The following MTUS1 variants were observed in gnomAD, a reference collection of about 807,000 sequenced individuals.
The protein encoded by MTUS1 is microtubule-associated tumor suppressor 1.
A neutral mutation model predicts 120.8 loss-of-function variants in MTUS1; 109 were observed. The ratio of observed to expected loss-of-function variants is 0.90; its 90% CI spans 0.77 to 1.06. MTUS1 has a LOEUF of 1.06. MTUS1 is among the 50% of genes least tolerant of loss of function. The pLI is 0.00. For missense variants in MTUS1, 2,210 were observed against 1,486.3 expected (o/e 1.49, Z -8.01); for synonymous variants, 737 against 550.5 (o/e 1.34, Z -4.74).
intron 2 of MTUS1, among the ~76,000 whole-genome samples, chr8:17,747,298 T>A: frequency 6.6e-6 from 1 of 152,210 alleles, no homozygotes; most frequent in East Asian, 1.9e-4. Flanking sequence ...CTACCCAGAA[T>A]ACCTGCCCTT....
At chr8:17,797,991 T>A (rs1374110903) in intron 1 of MTUS1, among the ~76,000 whole-genome samples, 1 of 152,302 alleles carries the variant, frequency 6.6e-6, no homozygotes, top group South Asian at 2.1e-4. Flanking sequence ...GGAAATTTTT[T>A]AACTACGTAT....
chr8:17,782,662 C>T (rs2050961172), intron 1 of MTUS1, among the ~76,000 whole-genome samples: 1 of 152,176 alleles, frequency 6.6e-6, no homozygotes. Flanking sequence ...CAAAACTGAT[C>T]CCTTTTCTTT....
rs137898382 is a variant in MTUS1, at chr8:17,725,591, T to C, written c.2288-1758A>G. Among the ~76,000 whole-genome samples, 794 of 152,300 alleles carry C rather than the reference T, an allele frequency of 5.2e-3. 9 individuals carry two copies. Among genetic ancestry groups the C allele is most frequent in the African/African-American group, 0.017 (708 of 41,556 alleles). On this transcript the variant is annotated intron_variant, in intron 3 of 14. Transcript: ENST00000693296. ...TATCATTGTCTAAACTGTATTGGAC[T>C]CCTAAAATCCTGTCCTTCCATCCCT...
intron 3 of MTUS1, among the ~76,000 whole-genome samples, chr8:17,724,768 T>A (rs1205933855): frequency 1.3e-5 from 2 of 152,158 alleles, no homozygotes; most frequent in African/African-American, 2.4e-5. Context: ...TTTCTCTACT[T>A]TCCTCTAACC....
intron 1 of MTUS1, among the ~76,000 whole-genome samples, chr8:17,789,688 T>G (rs1183925959): frequency 6.6e-6 from 1 of 152,204 alleles, no homozygotes; most frequent in Non-Finnish European, 1.5e-5. Context: ...TTGAAAATGA[T>G]TACCTATGTT....
intron 7 of MTUS1, among the ~76,000 whole-genome samples, chr8:17,682,804 T>A (rs943482160): frequency 6.6e-6 from 1 of 152,190 alleles, no homozygotes; most frequent in Non-Finnish European, 1.5e-5. Flanking sequence ...TCTAGTTAGC[T>A]TACTTGGTTA....
intron 1 of MTUS1, among the ~76,000 whole-genome samples, chr8:17,784,767 G>A (rs1431243303): frequency 1.3e-5 from 2 of 148,496 alleles, no homozygotes; most frequent in South Asian, 2.2e-4. Context: ...GTTACAGAGT[G>A]ACCTTTTTAT....
At chr8:17,694,525 G>A (rs562410959) in intron 6 of MTUS1, among the ~76,000 whole-genome samples, 70 of 151,992 alleles carry the variant, frequency 4.6e-4, no homozygotes, top group African/African-American at 1.4e-3. Context: ...GAAATTAGCC[G>A]GGTATGGTGG....
chr8:17,749,986 T>C (rs1212023800), intron 2 of MTUS1, among the ~76,000 whole-genome samples: 1 of 152,192 alleles, frequency 6.6e-6, no homozygotes, highest in African/African-American at 2.4e-5. Context: ...CAATAGAGAC[T>C]TAGTAACCTG....
At chr8:17,697,153 T>A (rs1156792203) in intron 6 of MTUS1, 1 of 1,418,288 alleles carries the variant, frequency 7.1e-7, no homozygotes, top group Non-Finnish European at 9.4e-7. Context: ...GAGAGCTTTT[T>A]TCCTCCAATT....
chr8:17,685,704 G>A (rs958105864), intron 6 of MTUS1, among the ~76,000 whole-genome samples: 30 of 151,998 alleles, frequency 2.0e-4, no homozygotes, highest in African/African-American at 6.8e-4. Context: ...GGGAAAAAAA[G>A]GCTCTTATTT....
intron 4 of MTUS1, among the ~76,000 whole-genome samples, chr8:17,720,881 C>T (rs1054972215): frequency 1.3e-5 from 2 of 152,088 alleles, no homozygotes; most frequent in African/African-American, 4.8e-5. Context: ...GGATCAAGAT[C>T]GTAACTTTGA....
At chr8:17,736,012 ACCAGTAAGCT>A (rs933961718) in intron 3 of MTUS1, among the ~76,000 whole-genome samples, 2 of 152,058 alleles carry the variant, frequency 1.3e-5, no homozygotes, top group Non-Finnish European at 2.9e-5. Flanking sequence ...TCACCCTCCA[ACCAGTAAGCT>A]CCTTAAGAGG....
chr8:17,763,085 G>A lies in MTUS1; in HGVS notation c.-154-7124C>T, dbSNP rs562354846. ...TGGCTCACTGCAACCTCCCCCTCCC[G>A]TGTTCAAACAATTCTCTGCCTCAGC... On this transcript the variant is annotated intron_variant, in intron 1 of 14. Transcript: ENST00000693296. Among the ~76,000 whole-genome samples the A allele has an allele frequency of 5.3e-5, 8 of 151,260 alleles. No individual in the cohort carries two copies. In the East Asian group the frequency reaches 5.9e-4, roughly 11 times the overall value.
intron 1 of MTUS1, chr8:17,770,530 C>A (rs2049945960): frequency 1.3e-5 from 2 of 152,198 alleles, no homozygotes; most frequent in Admixed American, 6.5e-5. Context: ...CCTTTGGTTG[C>A]ACCTCAGAGA....
intron 1 of MTUS1, among the ~76,000 whole-genome samples, chr8:17,791,693 C>G (rs1224221903): frequency 6.6e-6 from 1 of 152,156 alleles, no homozygotes; most frequent in African/African-American, 2.4e-5. Context: ...CCAATGTTTG[C>G]TACAAATCAA....
chr8:17,741,722 G>A (rs368928932), intron 3 of MTUS1, among the ~76,000 whole-genome samples: 115 of 152,226 alleles, frequency 7.6e-4, no homozygotes, highest in Admixed American at 2.1e-3. Flanking sequence ...AAGTATGTGC[G>A]CTTAGATTTT....
chr8:17,696,066 C>A (rs1385158801), intron 6 of MTUS1, among the ~76,000 whole-genome samples: 5 of 152,136 alleles, frequency 3.3e-5, no homozygotes, highest in Non-Finnish European at 7.3e-5. Context: ...AAATATAGGG[C>A]ACCCTTTGTT....
Position 17,785,611 on chromosome 8 carries a change from C to T in MTUS1, c.-155+15450G>A, listed in dbSNP as rs79128153. 6.3e-3 allele frequency among the ~76,000 whole-genome samples: 953 copies of T among 152,290 alleles called. 11 individuals carry two copies. Among genetic ancestry groups the T allele is most frequent in the African/African-American group, 0.022 (918 of 41,562 alleles). ...GCATAAAGAACATTCCTTTAGTTTA[C>T]GTAATATACATTTAGCCTTATGAAA... On this transcript the variant is annotated intron_variant, in intron 1 of 14. Transcript: ENST00000693296.
Sources: allele counts gnomAD v4.1 joint callset (sites outside exome capture counted in the v4.1 genomes callset), GRCh38; gene constraint gnomAD v4.1.1; transcripts MANE v1.5; gene names NCBI Gene and HGNC (gene_info 2026-07-23, HGNC 2026-07-21).